Variants in MB21D2 observed in about 807,000 individuals in gnomAD.
MB21D2 encodes the protein Mab-21 domain containing 2.
In MB21D2, 9 loss-of-function variants were observed where a neutral mutation model predicts 33.3. The observed-to-expected ratio is 0.27, with a 90% CI of 0.16 to 0.47. The LOEUF (loss-of-function observed/expected upper bound fraction) is 0.47, where lower values mean the gene tolerates loss of function less well. Among genes scored for constraint, MB21D2 ranks in the 20% least tolerant of loss-of-function variants. The pLI is 0.99. For synonymous variants in MB21D2, 241 were observed against 236.3 expected (o/e 1.02, Z -0.18); for missense variants, 540 against 624.6 (o/e 0.86, Z 1.44).
chr3:192,906,605 T>C (rs919348549), intron 1 of MB21D2, among the ~76,000 whole-genome samples: 1 of 152,236 alleles, frequency 6.6e-6, no homozygotes, highest in African/African-American at 2.4e-5. Flanking sequence ...GGCTTCTCAA[T>C]CATTCTTCAC....
intron 1 of MB21D2, among the ~76,000 whole-genome samples, chr3:192,886,754 G>A (rs1355386056): frequency 1.3e-5 from 2 of 152,030 alleles, no homozygotes; most frequent in South Asian, 2.1e-4. Flanking sequence ...ACCTTTGCTG[G>A]AAATATAACT....
intron 1 of MB21D2, among the ~76,000 whole-genome samples, chr3:192,820,198 C>T (rs776201970): frequency 4.0e-5 from 6 of 151,876 alleles, no homozygotes; most frequent in Non-Finnish European, 7.4e-5. Context: ...GTACACACCC[C>T]CCAGAAACAC....
chr3:192,868,215 C>A (rs1577189383), intron 1 of MB21D2, among the ~76,000 whole-genome samples: 1 of 152,324 alleles, frequency 6.6e-6, no homozygotes, highest in East Asian at 1.9e-4. Flanking sequence ...CAGCTCTTAG[C>A]CCATCCTCAC....
At chr3:192,855,552 T>G (rs1712898493) in intron 1 of MB21D2, among the ~76,000 whole-genome samples, 1 of 152,192 alleles carries the variant, frequency 6.6e-6, no homozygotes, top group South Asian at 2.1e-4. Context: ...ACCCACAATA[T>G]CTTTGAGGTA....
At chr3:192,845,402 G>A (rs927043346) in intron 1 of MB21D2, among the ~76,000 whole-genome samples, 4 of 152,206 alleles carry the variant, frequency 2.6e-5, no homozygotes, top group Non-Finnish European at 5.9e-5. Context: ...GGTAGAGAAC[G>A]TTTTGCAGCT....
chr3:192,873,285 A>C (rs1713351617), intron 1 of MB21D2, among the ~76,000 whole-genome samples: 1 of 152,180 alleles, frequency 6.6e-6, no homozygotes, highest in Non-Finnish European at 1.5e-5. Flanking sequence ...TATTCCAAGG[A>C]GCATTTCTAG....
At chr3:192,816,455 T>TC (rs758381940) in intron 1 of MB21D2, among the ~76,000 whole-genome samples, 1 of 152,186 alleles carries the variant, frequency 6.6e-6, no homozygotes, top group Non-Finnish European at 1.5e-5. Flanking sequence ...TTTCAGTCTT[T>TC]CCACTAGAGG....
intron 1 of MB21D2, among the ~76,000 whole-genome samples, chr3:192,890,987 T>C (rs1167039369): frequency 2.6e-5 from 4 of 152,162 alleles, no homozygotes; most frequent in Admixed American, 2.6e-4. Context: ...GTTGTATTTT[T>C]AGAGGTCATG....
intron 1 of MB21D2, among the ~76,000 whole-genome samples, chr3:192,915,503 G>C (rs1314038230): frequency 6.6e-6 from 1 of 152,122 alleles, no homozygotes; most frequent in East Asian, 1.9e-4. Context: ...CTGCCTTCTA[G>C]TGTCCAGAGG....
At chr3:192,843,176 GAAT>G (rs2108626224) in intron 1 of MB21D2, among the ~76,000 whole-genome samples, 1 of 152,284 alleles carries the variant, frequency 6.6e-6, no homozygotes, top group Non-Finnish European at 1.5e-5. Context: ...TTTACTAAGG[GAAT>G]AACATGATTC....
At chr3:192,857,194 T>C (rs951516603) in intron 1 of MB21D2, among the ~76,000 whole-genome samples, 13 of 152,160 alleles carry the variant, frequency 8.5e-5, no homozygotes, top group African/African-American at 2.7e-4. Context: ...TGCAAAATAA[T>C]TGAAAGATCT....
At chr3:192,885,378 A>G (rs1713708850) in intron 1 of MB21D2, among the ~76,000 whole-genome samples, 1 of 152,098 alleles carries the variant, frequency 6.6e-6, no homozygotes, top group Non-Finnish European at 1.5e-5. Context: ...GCCAGAAAGT[A>G]CATCTACAGT....
intron 1 of MB21D2, among the ~76,000 whole-genome samples, chr3:192,830,417 T>C (rs1712290620): frequency 6.6e-6 from 1 of 152,150 alleles, no homozygotes; most frequent in African/African-American, 2.4e-5. Flanking sequence ...CCTCACCATT[T>C]TGAGCACCCA....
chr3:192,875,107 C>T (rs952661020), intron 1 of MB21D2, among the ~76,000 whole-genome samples: 11 of 152,124 alleles, frequency 7.2e-5, no homozygotes, highest in African/African-American at 2.2e-4. Flanking sequence ...GTTTAACAAA[C>T]GGAAAGCAGT....
intron 1 of MB21D2, among the ~76,000 whole-genome samples, chr3:192,865,693 T>C (rs1259440771): frequency 6.6e-6 from 1 of 151,830 alleles, no homozygotes; most frequent in Non-Finnish European, 1.5e-5. Flanking sequence ...CCCCTCCCAA[T>C]CTTCCCCAAC....
chr3:192,848,080 C>T (rs887725399), intron 1 of MB21D2, among the ~76,000 whole-genome samples: 34 of 152,138 alleles, frequency 2.2e-4, no homozygotes, highest in Non-Finnish European at 2.9e-4. Context: ...GTCACATACC[C>T]GGCATTACAC....
chr3:192,850,142 A>G (rs1324448837), intron 1 of MB21D2, among the ~76,000 whole-genome samples: 1 of 150,796 alleles, frequency 6.6e-6, no homozygotes, highest in Non-Finnish European at 1.5e-5. Flanking sequence ...CTGGTCTTGA[A>G]CTCCTGACCT....
intron 1 of MB21D2, among the ~76,000 whole-genome samples, chr3:192,900,284 C>CA (rs66984849): frequency 0.016 from 1,407 of 90,696 alleles, 36 homozygotes; most frequent in African/African-American, 0.034. Context: ...GACTCTGTCT[C>CA]AAAAAAAAAA....
intron 1 of MB21D2, among the ~76,000 whole-genome samples, chr3:192,806,691 A>C (rs1711668718): frequency 6.6e-6 from 1 of 152,182 alleles, no homozygotes; most frequent in African/African-American, 2.4e-5. Context: ...GTAACCTAGG[A>C]TTATGGAATT....
Sources: gnomAD v4.1 joint callset for allele counts (sites outside exome capture counted in the v4.1 genomes callset) on GRCh38, gnomAD v4.1.1 for gene constraint, MANE v1.5 for transcripts, NCBI Gene and HGNC (gene_info 2026-07-23, HGNC 2026-07-21) for gene names.